Variants in S100Z observed in about 807,000 individuals in gnomAD.
The protein encoded by S100Z is protein S100-Z.
A neutral mutation model predicts 8.5 loss-of-function variants in S100Z; 11 were observed. That is an observed-to-expected ratio of 1.30 (90% CI 0.82 to 2.15). The LOEUF (loss-of-function observed/expected upper bound fraction) is 2.15. Ranked by LOEUF, S100Z falls within the 30% of genes most tolerant of loss-of-function variation. The probability of loss-of-function intolerance (pLI) is 0.00; values close to 1 mark genes in which losing one functional copy is unlikely to be tolerated. For synonymous variants in S100Z, 34 were observed against 43.8 expected, an observed-to-expected ratio of 0.78 and a Z score of 0.89; for missense variants, 126 against 117.9, an observed-to-expected ratio of 1.07 and a Z score of -0.32.
At chr5:76,869,988 A>C (rs992845728) in intron 1 of S100Z, among the ~76,000 whole-genome samples, 178 bp from the exon 2 acceptor site, 1 of 151,946 alleles carries the variant, frequency 6.6e-6, no homozygotes, top group African/African-American at 2.4e-5. Context: ...CTGTCACTGC[A>C]CTTCAGCCTG....
At chr5:76,917,644 G>C (rs773114438) in intron 4 of S100Z, among the ~76,000 whole-genome samples, 1 of 151,996 alleles carries the variant, frequency 6.6e-6, no homozygotes, top group Non-Finnish European at 1.5e-5. Flanking sequence ...CCAACATGGC[G>C]AAACCCCATC....
chr5:76,871,162 C>G (rs1561228143), intron 2 of S100Z, among the ~76,000 whole-genome samples: 1 of 151,974 alleles, frequency 6.6e-6, no homozygotes, highest in African/African-American at 2.4e-5. Flanking sequence ...AGATAGCAGA[C>G]CATGAAGGAA....
downstream of S100Z, among the ~76,000 whole-genome samples, chr5:76,922,187 G>A (rs1273953255): frequency 6.6e-6 from 1 of 152,090 alleles, no homozygotes; most frequent in Non-Finnish European, 1.5e-5. Flanking sequence ...AGCATAGGGA[G>A]AGACTCTCTC....
chr5:76,903,074 T>C (rs892941126), intron 4 of S100Z, among the ~76,000 whole-genome samples: 1 of 152,118 alleles, frequency 6.6e-6, no homozygotes, highest in Non-Finnish European at 1.5e-5. Flanking sequence ...TGATCCCAGC[T>C]ACTCAGGAGG....
chr5:76,937,281 A>T, the S100Z span, among the ~76,000 whole-genome samples: 5 of 151,856 alleles, frequency 3.3e-5, no homozygotes, highest in Non-Finnish European at 5.9e-5. Context: ...CTCTTGCCCT[A>T]TGTAATGAGG....
chr5:76,860,954 T>C (rs1199010324), intron 1 of S100Z, among the ~76,000 whole-genome samples: 4 of 152,240 alleles, frequency 2.6e-5, no homozygotes, highest in Non-Finnish European at 1.5e-5. Context: ...TGAAGAGTCA[T>C]GTAAAAAGGA....
intron 4 of S100Z, among the ~76,000 whole-genome samples, chr5:76,893,773 C>A (rs576289742): frequency 9.2e-5 from 14 of 152,218 alleles, no homozygotes; most frequent in Admixed American, 7.8e-4. Flanking sequence ...GGGCATATGA[C>A]CTTTCTGGAG....
At chr5:76,878,836 G>A (rs1743292084) in intron 4 of S100Z, among the ~76,000 whole-genome samples, 1 of 152,184 alleles carries the variant, frequency 6.6e-6, no homozygotes, top group Non-Finnish European at 1.5e-5. Context: ...AGCTGAATTG[G>A]TTAAGTATTT....
At chr5:76,935,909 T>C in the S100Z span, among the ~76,000 whole-genome samples, 1 of 152,042 alleles carries the variant, frequency 6.6e-6, no homozygotes, top group East Asian at 1.9e-4. Flanking sequence ...CCCAAGTAGC[T>C]GGGAATACAG....
At chr5:76,889,501 C>G (rs1743784238) in intron 4 of S100Z, among the ~76,000 whole-genome samples, 1 of 152,186 alleles carries the variant, frequency 6.6e-6, no homozygotes, top group Non-Finnish European at 1.5e-5. Context: ...TTTACATATT[C>G]TAAAGTGAGT....
At chr5:76,936,829 G>C in the S100Z span, among the ~76,000 whole-genome samples, 11 of 152,184 alleles carry the variant, frequency 7.2e-5, no homozygotes, top group South Asian at 2.1e-3. Context: ...ATGGGAAGAG[G>C]GAAGAGGCAA....
chr5:76,919,857 G>A (rs1219109190), intron 4 of S100Z, among the ~76,000 whole-genome samples: 2 of 150,914 alleles, frequency 1.3e-5, no homozygotes, highest in Admixed American at 1.3e-4. Flanking sequence ...TTCTGCCTCA[G>A]CTTCCCACAG....
At chr5:76,898,338 G>A (rs568362615) in intron 4 of S100Z, among the ~76,000 whole-genome samples, 52 of 151,940 alleles carry the variant, frequency 3.4e-4, no homozygotes, top group African/African-American at 1.2e-3. Context: ...TAGTAGAGAC[G>A]GGGTTTCTCC....
intron 4 of S100Z, among the ~76,000 whole-genome samples, chr5:76,908,838 A>C (rs1744546830): frequency 6.6e-6 from 1 of 152,192 alleles, no homozygotes; most frequent in African/African-American, 2.4e-5. Flanking sequence ...CAATACTAAC[A>C]GGAGAATGCT....
intron 4 of S100Z, among the ~76,000 whole-genome samples, chr5:76,889,793 C>T (rs918987674): frequency 3.3e-5 from 5 of 152,180 alleles, no homozygotes; most frequent in Admixed American, 6.5e-5. Flanking sequence ...TTCTTATGCC[C>T]GGGGGCACTG....
intron 1 of S100Z, among the ~76,000 whole-genome samples, chr5:76,853,041 C>T (rs963278392): frequency 1.4e-4 from 21 of 151,050 alleles, no homozygotes; most frequent in Admixed American, 1.3e-3. Context: ...AGAGTCGATT[C>T]AAGTCTAAGG....
At chr5:76,945,061 C>T in the S100Z span, among the ~76,000 whole-genome samples, 1 of 152,162 alleles carries the variant, frequency 6.6e-6, no homozygotes, top group Non-Finnish European at 1.5e-5. Flanking sequence ...TTGCTTTGCC[C>T]TGAGATGCTG....
At position 76,875,304 on chromosome 5, in the gene S100Z, T is replaced by C; in HGVS notation, c.-56T>C. 1 of 1,533,120 alleles carries C rather than the reference T, an allele frequency of 6.5e-7. No individual in the cohort carries two copies. The highest frequency in any genetic ancestry group is 1.2e-5 in the South Asian group (1 of 82,666). 95.0% of individuals were successfully genotyped at this position (1,533,120 alleles called of 1,614,324 possible). ...TCCTCATCTGTTTATTCTGAACAAG[T>C]GTCTTCTCCCCGGGTTTGGTGGCCT... is the stretch of plus-strand genomic sequence containing the variant. On this transcript the variant is annotated splice_region_variant and 5_prime_UTR_variant, in exon 3 of 5. Transcript: ENST00000317593.
the S100Z span, among the ~76,000 whole-genome samples, chr5:76,931,643 A>G: frequency 6.6e-6 from 1 of 152,172 alleles, no homozygotes; most frequent in Admixed American, 6.5e-5. Context: ...GGGATGGAGA[A>G]GTGCTATAGA....
Sources: allele counts gnomAD v4.1 joint callset (sites outside exome capture counted in the v4.1 genomes callset), GRCh38; gene constraint gnomAD v4.1.1; transcripts MANE v1.5; gene names NCBI Gene and HGNC (gene_info 2026-07-23, HGNC 2026-07-21).